FAM168A: variants seen among roughly 807,000 people sequenced by gnomAD.
The protein encoded by FAM168A is protein FAM168A.
A neutral mutation model predicts 28.5 loss-of-function variants in FAM168A; 3 were observed. The ratio of observed to expected loss-of-function variants is 0.11; its 90% CI spans 0.05 to 0.27. The LOEUF is 0.27. Among genes scored for constraint, FAM168A ranks in the 10% least tolerant of loss-of-function variants. FAM168A has a pLI of 1.00. For synonymous variants in FAM168A, 122 were observed against 124.2 expected, an observed-to-expected ratio of 0.98 and a Z score of 0.12; for missense variants, 222 against 311.5, an observed-to-expected ratio of 0.71 and a Z score of 2.16.
chr11:73,474,385 G>C (rs1867859759), intron 1 of FAM168A, among the ~76,000 whole-genome samples: 1 of 151,842 alleles, frequency 6.6e-6, no homozygotes, highest in Admixed American at 6.6e-5. Flanking sequence ...GGACTGCAAT[G>C]TCTATTCACA....
chr11:73,415,703 C>T lies in FAM168A; in HGVS notation c.278-4167G>A, dbSNP rs377477184. Among the ~76,000 whole-genome samples, 18 of 152,278 alleles carry T rather than the reference C, an allele frequency of 1.2e-4. No individual in the cohort carries two copies. The South Asian group carries it at 3.3e-3, about 28-fold the overall frequency. The stretch of plus-strand genomic sequence containing the variant: ...GCCTGAGCTTGGGTGACACAAAAAT[C>T]AGGGTTTATTACTTTATGCATCTAA... On this transcript the variant is annotated intron_variant, in intron 4 of 7. Coordinates refer to ENST00000356467, the MANE Select transcript of FAM168A (RefSeq NM_015159.3).
chr11:73,407,713 T>C, intron 6 of FAM168A, 70 bp from the exon 7 acceptor site: 1 of 1,321,672 alleles, frequency 7.6e-7, no homozygotes, highest in Non-Finnish European at 1.1e-6. Flanking sequence ...AGGATGAAGC[T>C]ACAGTCTTTC....
At chr11:73,592,431 A>T in intron 1 of FAM168A, among the ~76,000 whole-genome samples, 1 of 152,352 alleles carries the variant, frequency 6.6e-6, no homozygotes. Context: ...AATTTAACAA[A>T]ATAGAGAAAG....
Position 73,406,652 on chromosome 11 carries a change from G to A in FAM168A, c.*111C>T, listed in dbSNP as rs1388517827. 1.3e-5 allele frequency: 2 copies of A among 152,662 alleles called. No individual in the cohort carries two copies. The highest frequency in any genetic ancestry group is 2.9e-5 in the Non-Finnish European group (2 of 68,052). 9.5% of individuals were successfully genotyped at this position (152,662 alleles called of 1,614,324 possible). A position where few individuals can be genotyped will look rare whatever the true frequency, so the allele number is the denominator to read the frequency against. ...ATAAAGTGACCCTTGCACTTCCGTT[G>A]TCTCTTCTTGCAAATAGAGGTGGTG... is the stretch of plus-strand genomic sequence containing the variant. On this transcript the variant is annotated 3_prime_UTR_variant, in exon 8 of 8. Transcript: ENST00000356467.
intron 1 of FAM168A, among the ~76,000 whole-genome samples, chr11:73,558,207 G>T (rs570911524): frequency 6.6e-6 from 1 of 152,258 alleles, no homozygotes; most frequent in South Asian, 2.1e-4. Flanking sequence ...GAGGCCAAAT[G>T]TGACAGCTTA....
intron 1 of FAM168A, among the ~76,000 whole-genome samples, chr11:73,588,803 GATAATTAGGTTTAGATGATTT>G (rs1944347422): frequency 6.6e-6 from 1 of 152,184 alleles, no homozygotes. Context: ...TCCTTTGGGA[GATAATTAGGTTTAGATGATTT>G]ATAATTAGGT....
intron 4 of FAM168A, among the ~76,000 whole-genome samples, chr11:73,412,989 G>A (rs113544990): frequency 0.019 from 2,856 of 152,214 alleles, 46 homozygotes; most frequent in Non-Finnish European, 0.029. Context: ...AAGTCTTTGG[G>A]CCTTAGTTTC....
At chr11:73,479,973 C>T (rs757575989) in intron 1 of FAM168A, among the ~76,000 whole-genome samples, 2 of 152,096 alleles carry the variant, frequency 1.3e-5, no homozygotes, top group Non-Finnish European at 2.9e-5. Context: ...TCTATCAATA[C>T]GATATATAAG....
chr11:73,572,145 C>G (rs190429992), intron 1 of FAM168A, among the ~76,000 whole-genome samples: 1 of 151,686 alleles, frequency 6.6e-6, no homozygotes, highest in Non-Finnish European at 1.5e-5. Context: ...GCAGCCACCC[C>G]GTCCGGGAGG....
chr11:73,499,199 G>A (rs183391050), intron 1 of FAM168A, among the ~76,000 whole-genome samples: 1 of 152,184 alleles, frequency 6.6e-6, no homozygotes, highest in East Asian at 1.9e-4. Context: ...ACATCTCCAG[G>A]CATGGGAGTG....
At chr11:73,484,005 A>G (rs1465829707) in intron 1 of FAM168A, among the ~76,000 whole-genome samples, 1 of 152,168 alleles carries the variant, frequency 6.6e-6, no homozygotes, top group East Asian at 1.9e-4. Context: ...TCTCAGAAAG[A>G]ATGTCTTTTG....
chr11:73,488,911 C>T (rs780667616), intron 1 of FAM168A, among the ~76,000 whole-genome samples: 2 of 152,116 alleles, frequency 1.3e-5, no homozygotes, highest in Admixed American at 1.3e-4. Flanking sequence ...TTTCTTGAGA[C>T]GGAGTCTTGC....
At chr11:73,487,183 C>T (rs1317582207) in intron 1 of FAM168A, among the ~76,000 whole-genome samples, 1 of 152,144 alleles carries the variant, frequency 6.6e-6, no homozygotes, top group Non-Finnish European at 1.5e-5. Context: ...CTCCAACTCT[C>T]ATCACTCTCC....
At chr11:73,548,467 A>G (rs993771797) in intron 1 of FAM168A, among the ~76,000 whole-genome samples, 1 of 152,206 alleles carries the variant, frequency 6.6e-6, no homozygotes, top group South Asian at 2.1e-4. Context: ...AAGATCAAAC[A>G]GCCAGGGGCT....
intron 2 of FAM168A, among the ~76,000 whole-genome samples, chr11:73,464,976 C>T (rs1408436357): frequency 4.0e-5 from 6 of 151,708 alleles, no homozygotes; most frequent in African/African-American, 1.5e-4. Context: ...AAGTCACTAA[C>T]TGTATGTCCC....
chr11:73,474,574 A>G (rs932238556), intron 1 of FAM168A, among the ~76,000 whole-genome samples: 1 of 152,180 alleles, frequency 6.6e-6, no homozygotes, highest in Admixed American at 6.5e-5. Context: ...CCACCTCCCA[A>G]TACTATTACA....
At chr11:73,418,559 C>T (rs58370216) in intron 4 of FAM168A, among the ~76,000 whole-genome samples, 2,023 of 152,312 alleles carry the variant, frequency 0.013, 44 homozygotes, top group African/African-American at 0.045. Context: ...AACAGACTAA[C>T]ACAGATGTTT....
At chr11:73,451,145 G>A (rs1245892537) in intron 2 of FAM168A, among the ~76,000 whole-genome samples, 1 of 152,198 alleles carries the variant, frequency 6.6e-6, no homozygotes, top group Non-Finnish European at 1.5e-5. Flanking sequence ...GTTGAGTTGA[G>A]ATACTGATTC....
chr11:73,554,303 A>G (rs2134695891), intron 1 of FAM168A, among the ~76,000 whole-genome samples: 1 of 152,112 alleles, frequency 6.6e-6, no homozygotes, highest in East Asian at 1.9e-4. Context: ...CGAGCCCAGG[A>G]GTTTGAGGCT....
Sources: gnomAD v4.1 joint callset for allele counts (sites outside exome capture counted in the v4.1 genomes callset) on GRCh38, gnomAD v4.1.1 for gene constraint, MANE v1.5 for transcripts, NCBI Gene and HGNC (gene_info 2026-07-23, HGNC 2026-07-21) for gene names.